Variants in ENTHD1 observed in about 807,000 individuals in gnomAD.
The protein encoded by ENTHD1 is ENTH domain-containing protein 1.
In ENTHD1, 23 loss-of-function variants were observed where a neutral mutation model predicts 39.1. The observed-to-expected ratio is 0.59, with a 90% CI of 0.42 to 0.83. The LOEUF (loss-of-function observed/expected upper bound fraction) is 0.83. Ranked by LOEUF, ENTHD1 falls within the 40% of genes least tolerant of loss-of-function variation. The probability of loss-of-function intolerance (pLI) is 0.00; values close to 1 mark genes in which losing one functional copy is unlikely to be tolerated. For synonymous variants in ENTHD1, 230 were observed against 258.2 expected, an observed-to-expected ratio of 0.89 and a Z score of 1.05; for missense variants, 624 against 705.4, an observed-to-expected ratio of 0.88 and a Z score of 1.31.
chr22:39,800,501 T>C (rs1203914707), intron 5 of ENTHD1, among the ~76,000 whole-genome samples: 2 of 152,212 alleles, frequency 1.3e-5, no homozygotes, highest in Non-Finnish European at 2.9e-5. Flanking sequence ...GAAAGGATCT[T>C]TGTTTTTCTC....
chr22:39,782,696 TGAA>T (rs1400267072), intron 5 of ENTHD1, among the ~76,000 whole-genome samples: 1 of 152,056 alleles, frequency 6.6e-6, no homozygotes, highest in Non-Finnish European at 1.5e-5. Context: ...ATCAACAGAA[TGAA>T]GAACAAAAAC....
chr22:39,795,891 T>C lies in ENTHD1; in HGVS notation c.832+25102A>G, dbSNP rs558200776. On this transcript the variant is annotated intron_variant, in intron 5 of 6. Transcript: ENST00000325157. The stretch of plus-strand genomic sequence containing the variant: ...TTCGTAATAGTCTCTGGTGATCTTT[T>C]ATGGTTCTGTGGTCTCAGTTGTTAT... 2.0e-5 allele frequency among the ~76,000 whole-genome samples: 3 copies of C among 152,328 alleles called. No homozygotes were observed. In the East Asian group the frequency reaches 5.8e-4, roughly 29 times the overall value.
At chr22:39,792,422 G>T (rs7289377) in intron 5 of ENTHD1, among the ~76,000 whole-genome samples, 1 of 151,978 alleles carries the variant, frequency 6.6e-6, no homozygotes, top group African/African-American at 2.4e-5. Flanking sequence ...TTGTTACCTC[G>T]CATTTTAGTT....
At chr22:39,878,464 C>A in intron 2 of ENTHD1, among the ~76,000 whole-genome samples, 1 of 143,714 alleles carries the variant, frequency 7.0e-6, no homozygotes. Flanking sequence ...GCTCAGAGAA[C>A]ATTAAGCAGG....
intron 5 of ENTHD1, among the ~76,000 whole-genome samples, chr22:39,795,529 G>A (rs2065541451): frequency 6.6e-6 from 1 of 151,552 alleles, no homozygotes; most frequent in Non-Finnish European, 1.5e-5. Flanking sequence ...CTGGGCTCAA[G>A]CAATCCTCCC....
intron 3 of ENTHD1, among the ~76,000 whole-genome samples, chr22:39,840,273 A>G (rs1190368448): frequency 6.6e-6 from 1 of 152,240 alleles, no homozygotes; most frequent in Non-Finnish European, 1.5e-5. Context: ...TCATTCAAAG[A>G]TGAGTGCTTC....
At chr22:39,814,428 C>T (rs5757799) in intron 5 of ENTHD1, among the ~76,000 whole-genome samples, 1 of 151,884 alleles carries the variant, frequency 6.6e-6, no homozygotes, top group Admixed American at 6.6e-5. Flanking sequence ...CCACTGCATT[C>T]CAGCATGGGC....
At chr22:39,807,888 C>CGT (rs375190088) in intron 5 of ENTHD1, among the ~76,000 whole-genome samples, 8,062 of 145,920 alleles carry the variant, frequency 0.055, 239 homozygotes, top group African/African-American at 0.086. Context: ...TATATACGTA[C>CGT]GTGTGTGTGT....
chr22:39,778,421 A>T (rs563527208), intron 5 of ENTHD1, among the ~76,000 whole-genome samples: 11 of 152,230 alleles, frequency 7.2e-5, no homozygotes, highest in Non-Finnish European at 1.6e-4. Flanking sequence ...CATATGCCCT[A>T]TTAGATATAC....
chr22:39,852,516 G>A (rs1256109626), intron 3 of ENTHD1, among the ~76,000 whole-genome samples: 4 of 152,212 alleles, frequency 2.6e-5, no homozygotes, highest in Non-Finnish European at 4.4e-5. Context: ...TCTGAGAAAT[G>A]CATTGCTAGG....
At chr22:39,833,230 C>G (rs4563342) in intron 4 of ENTHD1, among the ~76,000 whole-genome samples, 1 of 152,156 alleles carries the variant, frequency 6.6e-6, no homozygotes, top group African/African-American at 2.4e-5. Context: ...TCTTCACTCT[C>G]GAGTCCATTT....
At chr22:39,804,542 G>A (rs1196472459) in intron 5 of ENTHD1, among the ~76,000 whole-genome samples, 2 of 151,078 alleles carry the variant, frequency 1.3e-5, no homozygotes, top group Non-Finnish European at 2.9e-5. Context: ...CCAACCTTTT[G>A]CTCTTTTCTC....
At chr22:39,760,863 T>A (rs1486046983) in intron 6 of ENTHD1, among the ~76,000 whole-genome samples, 2 of 152,100 alleles carry the variant, frequency 1.3e-5, no homozygotes, top group Non-Finnish European at 2.9e-5. Context: ...AATATAGAAA[T>A]CTTTCAATGG....
At chr22:39,787,065 G>C (rs897714752) in intron 5 of ENTHD1, among the ~76,000 whole-genome samples, 1 of 152,056 alleles carries the variant, frequency 6.6e-6, no homozygotes, top group Non-Finnish European at 1.5e-5. Flanking sequence ...GTCATATTTT[G>C]GTAATTCTCA....
chr22:39,878,427 G>A (rs533512674), intron 2 of ENTHD1, among the ~76,000 whole-genome samples: 2 of 151,136 alleles, frequency 1.3e-5, no homozygotes, highest in African/African-American at 2.4e-5. Flanking sequence ...CCAAATTAGT[G>A]TTATACACTA....
chr22:39,882,828 C>A (rs149441374), intron 2 of ENTHD1, among the ~76,000 whole-genome samples: 337 of 151,790 alleles, frequency 2.2e-3, no homozygotes, highest in African/African-American at 7.9e-3. Context: ...GATGGTGAAA[C>A]CCTGTCTCTA....
At chr22:39,798,594 T>C (rs1601601533) in intron 5 of ENTHD1, among the ~76,000 whole-genome samples, 1 of 152,020 alleles carries the variant, frequency 6.6e-6, no homozygotes, top group Non-Finnish European at 1.5e-5. Flanking sequence ...GGGACAGGAG[T>C]GTCAAGTCAG....
intron 6 of ENTHD1, among the ~76,000 whole-genome samples, chr22:39,753,456 C>G (rs2065162061): frequency 6.6e-6 from 1 of 152,122 alleles, no homozygotes; most frequent in Non-Finnish European, 1.5e-5. Context: ...CAAATACATC[C>G]CTCTCGTTTG....
intron 2 of ENTHD1, among the ~76,000 whole-genome samples, chr22:39,863,973 T>A (rs1421787043): frequency 6.6e-6 from 1 of 152,250 alleles, no homozygotes; most frequent in Non-Finnish European, 1.5e-5. Context: ...AAATCTACTT[T>A]ATAACTGCTT....
Sources: gnomAD v4.1 joint callset for allele counts (sites outside exome capture counted in the v4.1 genomes callset) on GRCh38, gnomAD v4.1.1 for gene constraint, MANE v1.5 for transcripts, NCBI Gene and HGNC (gene_info 2026-07-23, HGNC 2026-07-21) for gene names.